INSL6: variants seen among roughly 807,000 people sequenced by gnomAD.
The protein encoded by INSL6 is insulin like 6, also known as insulin-like peptide INSL6.
A neutral mutation model predicts 9.4 loss-of-function variants in INSL6; 16 were observed. The observed-to-expected ratio is 1.70, with a 90% CI of 1.15 to 2.59. The LOEUF is 2.59. INSL6 is among the 30% of genes most tolerant of loss of function. The pLI, the probability that INSL6 is intolerant of heterozygous loss-of-function variation, is 0.00. For synonymous variants in INSL6, 154 were observed against 96.9 expected (o/e 1.59, Z -3.46); for missense variants, 391 against 257.3 (o/e 1.52, Z -3.56).
At chr9:5,041,242 G>A in the INSL6 span, 6 of 1,464,506 alleles carry the variant, frequency 4.1e-6, no homozygotes, top group Admixed American at 5.1e-5. Flanking sequence ...CCAAGCGGCA[G>A]CACGCCATCC....
rs1382233613 is a variant in INSL6 at position 5,155,922 on chromosome 9, A to G, written c.376+8257T>C. On this transcript the variant is annotated intron_variant, in intron 2 of 3. Transcript: ENST00000649639. Reference sequence around the variant, plus strand: ...ACCCTAGAACTTAAAGTATAATTTAAAAAAAGAAAAAAAAAGACCAATACA... The same window carrying G: ...ACCCTAGAACTTAAAGTATAATTTAGAAAAAGAAAAAAAAAGACCAATACA... 3.3e-5 allele frequency among the ~76,000 whole-genome samples: 5 copies of G among 152,324 alleles called. No homozygotes were observed. The East Asian group carries it at 9.6e-4, about 29-fold the overall frequency.
At chr9:5,162,675 CTGAA>C (rs1824951470), downstream of INSL6, among the ~76,000 whole-genome samples, 1 of 152,168 alleles carries the variant, frequency 6.6e-6, no homozygotes, top group South Asian at 2.1e-4. Flanking sequence ...CTACAGATAA[CTGAA>C]TGCAGACTGT....
chr9:5,064,748 T>C, the INSL6 span: 7 of 530,344 alleles, frequency 1.3e-5, no homozygotes, highest in East Asian at 6.2e-5. Flanking sequence ...GTAATTCATA[T>C]TGAGTACTGA....
At chr9:5,031,361 A>C in the INSL6 span, among the ~76,000 whole-genome samples, 1 of 152,218 alleles carries the variant, frequency 6.6e-6, no homozygotes, top group East Asian at 1.9e-4. Context: ...TTAAATTCAG[A>C]ATCATAAACT....
chr9:5,057,946 ACTGT>A, the INSL6 span, among the ~76,000 whole-genome samples: 148 of 152,248 alleles, frequency 9.7e-4, 1 homozygote, highest in African/African-American at 3.4e-3. Context: ...CTGAAACAAT[ACTGT>A]CTTTTTGTGA....
At chr9:5,059,879 A>G in the INSL6 span, among the ~76,000 whole-genome samples, 2 of 152,094 alleles carry the variant, frequency 1.3e-5, no homozygotes, top group Admixed American at 1.3e-4. Flanking sequence ...TCTTTTGCAC[A>G]TTTTTCATTG....
chr9:5,121,490 C>T (rs1823611879), downstream of INSL6, among the ~76,000 whole-genome samples: 1 of 152,116 alleles, frequency 6.6e-6, no homozygotes, highest in Non-Finnish European at 1.5e-5. Context: ...GGTAGTTTTG[C>T]AGCTTGGAAG....
chr9:5,151,250 C>G (rs1564042592), intron 2 of INSL6, among the ~76,000 whole-genome samples: 2 of 151,892 alleles, frequency 1.3e-5, no homozygotes, highest in Non-Finnish European at 2.9e-5. Flanking sequence ...TACATAGATT[C>G]AACATTCAAA....
the INSL6 span, among the ~76,000 whole-genome samples, chr9:5,030,213 A>G: frequency 6.6e-6 from 1 of 152,198 alleles, no homozygotes; most frequent in African/African-American, 2.4e-5. Flanking sequence ...AATGTTTGGG[A>G]TATTGCTGGT....
At chr9:5,085,672 G>T in the INSL6 span, 3 of 731,082 alleles carry the variant, frequency 4.1e-6, no homozygotes, top group Non-Finnish European at 7.6e-6. Context: ...TTTCGAGAAC[G>T]TGCATTATCA....
chr9:5,029,712 A>C, the INSL6 span: 2 of 1,356,068 alleles, frequency 1.5e-6, no homozygotes, highest in African/African-American at 3.0e-5. Context: ...GCTTCATTTC[A>C]AATTATAGGT....
At chr9:5,113,922 C>A in the INSL6 span, 1 of 240,140 alleles carries the variant, frequency 4.2e-6, no homozygotes, top group Non-Finnish European at 8.4e-6. Flanking sequence ...GACACTTACC[C>A]CCGACCATCC....
downstream of INSL6, among the ~76,000 whole-genome samples, chr9:5,122,489 A>G (rs909817681): frequency 2.0e-5 from 3 of 152,088 alleles, no homozygotes; most frequent in African/African-American, 7.2e-5. Flanking sequence ...TTCACTTCTT[A>G]GAAGGTACTC....
the INSL6 span, among the ~76,000 whole-genome samples, chr9:5,081,298 T>C: frequency 1.3e-5 from 2 of 152,090 alleles, no homozygotes; most frequent in Admixed American, 6.5e-5. Context: ...AAAACAATTC[T>C]CTTTAACATT....
chr9:5,114,158 G>T, the INSL6 span: 4 of 418,324 alleles, frequency 9.6e-6, no homozygotes, highest in Non-Finnish European at 1.9e-5. Flanking sequence ...ACAGTGCCAA[G>T]AAGTGTGCAG....
At chr9:5,175,916 T>C (rs905447279) in intron 1 of INSL6, among the ~76,000 whole-genome samples, 2 of 152,174 alleles carry the variant, frequency 1.3e-5, no homozygotes, top group African/African-American at 4.8e-5. Context: ...GTAATAGTAA[T>C]AGAAATAAAG....
At chr9:5,104,559 A>G in the INSL6 span, among the ~76,000 whole-genome samples, 1 of 152,218 alleles carries the variant, frequency 6.6e-6, no homozygotes, top group Non-Finnish European at 1.5e-5. Flanking sequence ...AACTCATTTT[A>G]TGAGGCCAGC....
At chr9:5,167,276 C>A (rs1041628342) in intron 1 of INSL6, among the ~76,000 whole-genome samples, 5 of 152,198 alleles carry the variant, frequency 3.3e-5, no homozygotes, top group African/African-American at 1.2e-4. Context: ...CCCTCATGAG[C>A]CCATGCCACC....
At chr9:5,069,850 C>A in the INSL6 span, 3 of 937,866 alleles carry the variant, frequency 3.2e-6, no homozygotes, top group Non-Finnish European at 4.6e-6. Context: ...GAACACATTT[C>A]ATTTTACTCC....
Sources: allele counts gnomAD v4.1 joint callset (sites outside exome capture counted in the v4.1 genomes callset), GRCh38; gene constraint gnomAD v4.1.1; transcripts MANE v1.5; gene names NCBI Gene and HGNC (gene_info 2026-07-23, HGNC 2026-07-21).